The following HOOK2 variants were observed in gnomAD, a reference collection of about 807,000 sequenced individuals.
The protein encoded by HOOK2 is hook microtubule tethering protein 2, also known as protein Hook homolog 2.
HOOK2 carries 108 observed loss-of-function variants against 111.9 expected under a neutral mutation model. The observed-to-expected ratio is 0.96, with a 90% confidence interval of 0.83 to 1.13. The LOEUF (loss-of-function observed/expected upper bound fraction) is 1.13, where lower values mean the gene tolerates loss of function less well. Ranked by LOEUF, HOOK2 falls within the 50% of genes most tolerant of loss-of-function variation. HOOK2 has a pLI of 0.00. For missense variants in HOOK2, 978 were observed against 951.3 expected (o/e 1.03, Z -0.37); for synonymous variants, 405 against 394.3 (o/e 1.03, Z -0.32).
intron 3 of HOOK2, among the ~76,000 whole-genome samples, chr19:12,785,651 C>A (rs1384029687): frequency 6.6e-6 from 1 of 152,184 alleles, no homozygotes; most frequent in Non-Finnish European, 1.5e-5. Context: ...GGGCTGGGCA[C>A]AGAAGCGGGC....
intron 7 of HOOK2, 108 bp from the exon 8 acceptor site, chr19:12,771,585 T>C (rs902933518): frequency 4.2e-6 from 4 of 959,386 alleles, no homozygotes; most frequent in Non-Finnish European, 6.4e-6. Flanking sequence ...ACCCTCAGGA[T>C]TGAAAAGAGG....
chr19:12,775,581 GCGCAGGCC>G, upstream of HOOK2: 1 of 837,072 alleles, frequency 1.2e-6, no homozygotes, highest in Non-Finnish European at 1.6e-6. Flanking sequence ...GCCCCCCTAG[GCGCAGGCC>G]CCGCCCCGCC....
chr19:12,784,931 A>G (rs1228319060), intron 3 of HOOK2: 1 of 152,346 alleles, frequency 6.6e-6, no homozygotes, highest in African/African-American at 2.4e-5. Flanking sequence ...AGATGCTCCC[A>G]GGGACACCAA....
intron 5 of HOOK2, 44 bp downstream of exon 5, chr19:12,772,736 G>A: frequency 6.2e-7 from 1 of 1,613,594 alleles, no homozygotes; most frequent in South Asian, 1.1e-5. Context: ...GAGGAAGGAG[G>A]ATTTCCTCAG....
chr19:12,765,346 G>A (rs1322931212), intron 18 of HOOK2: 1 of 592,718 alleles, frequency 1.7e-6, no homozygotes, highest in Non-Finnish European at 3.0e-6. Context: ...CTCCCAAGCT[G>A]GTTCAGCCAC....
intron 3 of HOOK2, chr19:12,785,124 A>G (rs1968643505): frequency 6.5e-6 from 1 of 152,872 alleles, no homozygotes; most frequent in Admixed American, 6.5e-5. Flanking sequence ...TCGGCACAGA[A>G]AGACCATGAC....
chr19:12,782,011 C>T (rs1968607516), upstream of HOOK2, among the ~76,000 whole-genome samples: 1 of 152,058 alleles, frequency 6.6e-6, no homozygotes, highest in African/African-American at 2.4e-5. Context: ...CCACCATGCC[C>T]AGCTCATTAA....
chr19:12,782,185 G>A (rs1229557314), upstream of HOOK2, among the ~76,000 whole-genome samples: 1 of 152,182 alleles, frequency 6.6e-6, no homozygotes, highest in Non-Finnish European at 1.5e-5. Context: ...GCTTTATCAG[G>A]ATGTATCTGC....
At chr19:12,766,385 T>C (rs1968147966) in intron 14 of HOOK2, 145 bp from the exon 15 acceptor site, 1 of 1,029,904 alleles carries the variant, frequency 9.7e-7, no homozygotes, top group Non-Finnish European at 1.3e-6. Flanking sequence ...GAGGACCTAC[T>C]ACGGGTTCAG....
rs747072871 is a variant in HOOK2, at chr19:12,772,186, T to C, written c.519+4A>G. The stretch of plus-strand genomic sequence containing the variant: ...CTGGAACACCTTTCCCCCAAATCTC[T>C]TACCTGGCTGTCAAAGTTGCCATAC... On this transcript the variant is annotated splice_donor_region_variant and intron_variant, in intron 7 of 22. Coordinates refer to ENST00000397668, the MANE Select transcript of HOOK2 (RefSeq NM_013312.3). 4 of 1,608,002 alleles carry C rather than the reference T, an allele frequency of 2.5e-6. No homozygotes were observed. Among genetic ancestry groups the C allele is most frequent in the African/African-American group, 2.7e-5 (2 of 74,928 alleles).
At chr19:12,774,349 AC>A (rs1568372972) in intron 3 of HOOK2, 1 of 402,384 alleles carries the variant, frequency 2.5e-6, no homozygotes, top group Non-Finnish European at 4.7e-6. Flanking sequence ...CAGGTGATCC[AC>A]CCACTTTAGC....
intron 18 of HOOK2, 194 bp downstream of exon 18, chr19:12,765,496 C>A: frequency 1.4e-6 from 1 of 717,108 alleles, no homozygotes; most frequent in Non-Finnish European, 2.4e-6. Context: ...GCCTGTAATC[C>A]CAGCACTTTG....
chr19:12,783,107 C>T (rs1968623355), upstream of HOOK2, among the ~76,000 whole-genome samples: 1 of 152,102 alleles, frequency 6.6e-6, no homozygotes, highest in South Asian at 2.1e-4. Context: ...CTCGCTCCCG[C>T]TTCTCCGCCC....
At chr19:12,783,575 A>G (rs977347596) in intron 3 of HOOK2, among the ~76,000 whole-genome samples, 2 of 151,240 alleles carry the variant, frequency 1.3e-5, no homozygotes, top group Admixed American at 6.6e-5. Context: ...AGAGGGGAGG[A>G]TGGCGCTTGG....
upstream of HOOK2, among the ~76,000 whole-genome samples, chr19:12,783,055 C>G (rs983841200): frequency 6.6e-6 from 1 of 152,158 alleles, no homozygotes; most frequent in African/African-American, 2.4e-5. Context: ...CCCGGGCGTG[C>G]GTGACTCAGG....
chr19:12,785,296 T>TCACA (rs112239571), intron 3 of HOOK2, among the ~76,000 whole-genome samples: 14 of 143,770 alleles, frequency 9.7e-5, no homozygotes, highest in African/African-American at 2.1e-4. Flanking sequence ...GACCTCTTTT[T>TCACA]CACACACACA....
upstream of HOOK2, among the ~76,000 whole-genome samples, chr19:12,783,336 G>C (rs1224448341): frequency 7.7e-6 from 1 of 130,214 alleles, no homozygotes; most frequent in Non-Finnish European, 1.7e-5. Context: ...TGAATTGGTA[G>C]ACCCCCCACC....
rs2145804447 is a variant in HOOK2 at position 12,791,029 on chromosome 19, T to C, written n.42-16804A>G. ...TCTCCTTAACCCTCCCGATTTACAG[T>C]GCTTAACCCTCATTTCTGCTTTTTG... On this transcript the variant is annotated intron_variant and non_coding_transcript_variant, in intron 3 of 3. Coordinates refer to the HOOK2 transcript ENST00000589765. The surrounding 1 kb of genome is among the most constrained non-coding windows in gnomAD (Gnocchi z 7.0). 6.6e-6 allele frequency among the ~76,000 whole-genome samples: 1 copy of C among 152,324 alleles called. No homozygotes were observed. The highest frequency in any genetic ancestry group is 1.9e-4 in the East Asian group (1 of 5,176).
chr19:12,788,850 G>A (rs1968678798), intron 3 of HOOK2, among the ~76,000 whole-genome samples: 1 of 152,152 alleles, frequency 6.6e-6, no homozygotes. Flanking sequence ...AATCTCCCTT[G>A]AGCCTGGGGA....
Sources: allele counts gnomAD v4.1 joint callset (sites outside exome capture counted in the v4.1 genomes callset), GRCh38; gene constraint gnomAD v4.1.1; non-coding constraint Gnocchi (gnomAD v3.1); transcripts MANE v1.5; gene names NCBI Gene and HGNC (gene_info 2026-07-23, HGNC 2026-07-21).